Variants in RGS6 observed in about 807,000 individuals in gnomAD.
RGS6 encodes the protein regulator of G protein signaling 6, also known as regulator of G-protein signaling 6.
Under a neutral mutation model 78.5 loss-of-function variants are expected in RGS6, and 30 were observed. That is an observed-to-expected ratio of 0.38 (90% CI 0.29 to 0.52). The LOEUF (loss-of-function observed/expected upper bound fraction) is 0.52. Ranked by LOEUF, RGS6 falls within the 20% of genes least tolerant of loss-of-function variation. The pLI, the probability that RGS6 is intolerant of heterozygous loss-of-function variation, is 0.85. For missense variants in RGS6, 495 were observed against 609.7 expected (o/e 0.81, Z 1.98); for synonymous variants, 206 against 206.0 (o/e 1.00, Z 0.00).
intron 2 of RGS6, among the ~76,000 whole-genome samples, chr14:72,165,570 AAATAC>A (rs776162819): frequency 5.3e-5 from 8 of 152,198 alleles, no homozygotes; most frequent in Non-Finnish European, 1.2e-4. Context: ...TATTCTGGCA[AAATAC>A]ACTGCATGGA....
At chr14:71,965,752 A>C (rs2093471532) in intron 2 of RGS6, among the ~76,000 whole-genome samples, 1 of 152,122 alleles carries the variant, frequency 6.6e-6, no homozygotes, top group Admixed American at 6.5e-5. Flanking sequence ...GATAGAGCGG[A>C]GGCTCTAGGA....
the RGS6 span, among the ~76,000 whole-genome samples, chr14:72,583,754 A>G: frequency 6.9e-4 from 105 of 152,268 alleles, no homozygotes; most frequent in African/African-American, 2.4e-3. Context: ...GTTCAATGCA[A>G]TGCTGGCAAA....
chr14:71,873,023 T>C, the RGS6 span, among the ~76,000 whole-genome samples: 1 of 152,222 alleles, frequency 6.6e-6, no homozygotes, highest in Non-Finnish European at 1.5e-5. Context: ...TGCCACATTT[T>C]CTTAATCTAG....
At chr14:71,954,009 T>G (rs2092593601) in intron 1 of RGS6, among the ~76,000 whole-genome samples, 1 of 139,160 alleles carries the variant, frequency 7.2e-6, no homozygotes, top group Admixed American at 7.4e-5. Flanking sequence ...TTTAAGTATT[T>G]CACTCCACAC....
intron 2 of RGS6, among the ~76,000 whole-genome samples, chr14:72,239,650 CAG>C (rs968158856): frequency 7.9e-5 from 12 of 152,140 alleles, no homozygotes; most frequent in Non-Finnish European, 1.5e-4. Flanking sequence ...TTCTTGAGGA[CAG>C]AGTCTTTCCG....
At chr14:72,007,642 A>G (rs759437322) in intron 2 of RGS6, among the ~76,000 whole-genome samples, 15 of 152,252 alleles carry the variant, frequency 9.9e-5, no homozygotes, top group South Asian at 4.1e-4. Context: ...TCTTCTTCCT[A>G]TGTATCTCAG....
At chr14:72,064,042 G>A (rs1333810004) in intron 2 of RGS6, among the ~76,000 whole-genome samples, 1 of 152,092 alleles carries the variant, frequency 6.6e-6, no homozygotes. Context: ...TGTAGGGAGA[G>A]AGTCTAAGGA....
At chr14:72,028,997 T>A (rs1450390777) in intron 2 of RGS6, among the ~76,000 whole-genome samples, 2 of 152,208 alleles carry the variant, frequency 1.3e-5, no homozygotes, top group African/African-American at 4.8e-5. Flanking sequence ...ATTGTTTGGG[T>A]TCCATTGATG....
the RGS6 span, among the ~76,000 whole-genome samples, chr14:72,596,729 C>T: frequency 2.0e-5 from 3 of 152,218 alleles, no homozygotes; most frequent in Non-Finnish European, 2.9e-5. Flanking sequence ...GCCAAACACT[C>T]TGATAAGCAC....
At chr14:72,187,519 G>C (rs1014707479) in intron 2 of RGS6, among the ~76,000 whole-genome samples, 2 of 152,132 alleles carry the variant, frequency 1.3e-5, no homozygotes, top group Admixed American at 6.6e-5. Context: ...GAGATTTTCA[G>C]TCTTTTATTT....
At chr14:71,995,723 C>T (rs193084451) in intron 2 of RGS6, among the ~76,000 whole-genome samples, 269 of 152,306 alleles carry the variant, frequency 1.8e-3, no homozygotes, top group Admixed American at 3.1e-3. Context: ...AATCTTGTCA[C>T]CCTTTATCTA....
chr14:72,210,610 G>C (rs940728388), intron 2 of RGS6, among the ~76,000 whole-genome samples: 83 of 152,172 alleles, frequency 5.5e-4, no homozygotes, highest in Non-Finnish European at 1.1e-3. Context: ...GCGGGGATGG[G>C]AGGTAGCACT....
At position 72,089,903 on chromosome 14, in the gene RGS6, C is replaced by G. The variant is rs79218147; in HGVS notation, c.84+125028C>G. Among the ~76,000 whole-genome samples, 202 of 152,216 alleles carry G rather than the reference C, an allele frequency of 1.3e-3. 6 individuals are homozygous for G. The East Asian group carries it at 0.032, about 24-fold the overall frequency. On this transcript the variant is annotated intron_variant, in intron 2 of 17. Coordinates refer to ENST00000553525, the MANE Select transcript of RGS6 (RefSeq NM_001204424.2). ...CCTCCCCCAATTGCCATCCCTACAC[C>G]AGGGTGCCAACTCCCAAGTGGGCTG...
intron 2 of RGS6, among the ~76,000 whole-genome samples, chr14:72,216,916 A>G (rs1050167205): frequency 6.6e-6 from 1 of 152,198 alleles, no homozygotes; most frequent in African/African-American, 2.4e-5. Context: ...TTTACTTTAC[A>G]AATGTATATA....
At chr14:72,538,809 A>T (rs76675695) in intron 16 of RGS6, among the ~76,000 whole-genome samples, 1 of 152,184 alleles carries the variant, frequency 6.6e-6, no homozygotes, top group Non-Finnish European at 1.5e-5. Flanking sequence ...GCAACCTCAT[A>T]TCTGTCTTCT....
At chr14:71,890,574 C>T in the RGS6 span, among the ~76,000 whole-genome samples, 1 of 152,334 alleles carries the variant, frequency 6.6e-6, no homozygotes, top group Non-Finnish European at 1.5e-5. Flanking sequence ...AACCATTTAC[C>T]TGCTGCTAAT....
chr14:72,368,998 A>G (rs1239572461), intron 3 of RGS6, among the ~76,000 whole-genome samples: 1 of 152,216 alleles, frequency 6.6e-6, no homozygotes, highest in Admixed American at 6.5e-5. Context: ...CTCTTGGGCC[A>G]CACATAAAAT....
chr14:71,872,725 T>C, the RGS6 span, among the ~76,000 whole-genome samples: 3 of 152,206 alleles, frequency 2.0e-5, no homozygotes, highest in Non-Finnish European at 4.4e-5. Context: ...ACATGTGCCA[T>C]GTTGGTGTGC....
chr14:72,031,476 G>C (rs72735996), intron 2 of RGS6, among the ~76,000 whole-genome samples: 13,164 of 152,090 alleles, frequency 0.087, 623 homozygotes, highest in East Asian at 0.17. Flanking sequence ...ACACTATTTA[G>C]ATGCTTGTGG....
Sources: gnomAD v4.1 joint callset for allele counts (sites outside exome capture counted in the v4.1 genomes callset) on GRCh38, gnomAD v4.1.1 for gene constraint, MANE v1.5 for transcripts, NCBI Gene and HGNC (gene_info 2026-07-23, HGNC 2026-07-21) for gene names.